Variants in PTPRG observed in about 807,000 individuals in gnomAD.
The protein encoded by PTPRG is receptor-type tyrosine-protein phosphatase gamma.
A neutral mutation model predicts 165.3 loss-of-function variants in PTPRG; 102 were observed. That is an observed-to-expected ratio of 0.62 (90% confidence interval 0.53 to 0.73). PTPRG has a LOEUF of 0.73. Ranked by LOEUF, PTPRG falls within the 30% of genes least tolerant of loss-of-function variation. The pLI is 0.00. For synonymous variants in PTPRG, 675 were observed against 669.5 expected, an observed-to-expected ratio of 1.01 and a Z score of -0.13; for missense variants, 1,866 against 1,861.4, an observed-to-expected ratio of 1.00 and a Z score of -0.05.
At chr3:62,059,922 T>C (rs981044874) in intron 4 of PTPRG, among the ~76,000 whole-genome samples, 1 of 152,130 alleles carries the variant, frequency 6.6e-6, no homozygotes, top group Non-Finnish European at 1.5e-5. Context: ...TCCACCATGA[T>C]TGTAAGTTTC....
chr3:61,847,349 G>T (rs2036835835), intron 2 of PTPRG, among the ~76,000 whole-genome samples: 1 of 152,102 alleles, frequency 6.6e-6, no homozygotes, highest in African/African-American at 2.4e-5. Flanking sequence ...ACTTCAAGAG[G>T]GGCATGGAGT....
At chr3:62,068,661 G>C (rs9826508) in intron 4 of PTPRG, among the ~76,000 whole-genome samples, 1 of 151,884 alleles carries the variant, frequency 6.6e-6, no homozygotes, top group East Asian at 1.9e-4. Context: ...TTTTGTTTTG[G>C]TTTGGTTTGG....
Position 62,120,101 on chromosome 3 carries a change from G to GT in PTPRG, c.616-12492dup, listed in dbSNP as rs112532438. 3.8e-3 allele frequency among the ~76,000 whole-genome samples: 582 copies of GT among 151,226 alleles called. 6 individuals carry two copies. The highest frequency in any genetic ancestry group is 0.013 in the African/African-American group (524 of 41,212). On this transcript the variant is annotated intron_variant, in intron 5 of 29. Transcript: ENST00000474889. ...TCTACTTTTGTTTTTAGTTTTTTGG[G>GT]TTTTTTTTTAAGCTGGTTAAAGATG...
intron 1 of PTPRG, among the ~76,000 whole-genome samples, chr3:61,593,708 G>GAA (rs751784249): frequency 2.6e-5 from 1 of 38,454 alleles, no homozygotes; most frequent in Non-Finnish European, 7.8e-5. Context: ...AGGAAAACTG[G>GAA]AAAAAAAAAA....
At chr3:61,675,935 A>G (rs1703202155) in intron 1 of PTPRG, among the ~76,000 whole-genome samples, 1 of 152,232 alleles carries the variant, frequency 6.6e-6, no homozygotes, top group Non-Finnish European at 1.5e-5. Context: ...TCATATTAAT[A>G]ATTGAACCAG....
intron 2 of PTPRG, among the ~76,000 whole-genome samples, chr3:61,838,513 G>T (rs574808745): frequency 4.6e-5 from 7 of 152,156 alleles, no homozygotes; most frequent in Admixed American, 2.6e-4. Flanking sequence ...GCCCCACATG[G>T]TGATTAAAAT....
chr3:61,936,452 T>A (rs1441698021), intron 2 of PTPRG, among the ~76,000 whole-genome samples: 2 of 152,190 alleles, frequency 1.3e-5, no homozygotes, highest in Non-Finnish European at 2.9e-5. Context: ...TTTGACCAGG[T>A]GGGACCATGG....
intron 5 of PTPRG, among the ~76,000 whole-genome samples, chr3:62,117,567 C>A (rs896748989): frequency 1.3e-5 from 2 of 152,064 alleles, no homozygotes; most frequent in Non-Finnish European, 2.9e-5. Context: ...TTAGAAGCCT[C>A]CCCGGTTGGT....
At chr3:61,848,927 A>T (rs1303109059) in intron 2 of PTPRG, among the ~76,000 whole-genome samples, 1 of 152,240 alleles carries the variant, frequency 6.6e-6, no homozygotes, top group African/African-American at 2.4e-5. Context: ...AGTTCAGGGA[A>T]GTCAGGCCAT....
At chr3:62,056,340 C>G (rs1249149526) in intron 4 of PTPRG, among the ~76,000 whole-genome samples, 2 of 152,146 alleles carry the variant, frequency 1.3e-5, no homozygotes, top group African/African-American at 4.8e-5. Context: ...AACCTGTGAC[C>G]CACGGACCAC....
chr3:61,995,651 T>C (rs886801185), intron 3 of PTPRG, among the ~76,000 whole-genome samples: 2 of 151,286 alleles, frequency 1.3e-5, no homozygotes, highest in Admixed American at 6.6e-5. Context: ...ATGTTTCTGA[T>C]AGTCTAGGCT....
At chr3:61,707,038 G>A (rs1478489409) in intron 1 of PTPRG, among the ~76,000 whole-genome samples, 1 of 151,914 alleles carries the variant, frequency 6.6e-6, no homozygotes, top group Admixed American at 6.6e-5. Context: ...ATATCTCTTA[G>A]AAGTCTATAC....
At chr3:62,063,792 C>T (rs1471058958) in intron 4 of PTPRG, among the ~76,000 whole-genome samples, 6 of 152,152 alleles carry the variant, frequency 3.9e-5, no homozygotes, top group Admixed American at 3.9e-4. Flanking sequence ...TGTGAGTCAC[C>T]TCACCTGGCC....
rs774661298 is a variant in PTPRG at position 62,271,518 on chromosome 3, C to T, written c.3145C>T (p.Arg1049Trp). ...LTFVRRSSAA[R>W]MPETGPVLVH... ...TTTCGTGAGGAGATCCTCAGCAGCT[C>T]GGATGCCAGAAACGGGCCCTGTGTT... Residue 1049 changes from arginine to tryptophan, a missense_variant, in exon 21 of 30, where the codon CGG becomes TGG. Arg to Trp is a moderately radical substitution (Grantham distance 101). Coordinates refer to ENST00000474889, the MANE Select transcript of PTPRG (RefSeq NM_002841.4). The surrounding 1 kb of genome is among the most constrained non-coding windows in gnomAD (Gnocchi z 4.1). 50 of 1,613,608 alleles carry T rather than the reference C, an allele frequency of 3.1e-5. 1 individual carries two copies. Among genetic ancestry groups the T allele is most frequent in the South Asian group, 8.8e-5 (8 of 91,044 alleles).
intron 1 of PTPRG, among the ~76,000 whole-genome samples, chr3:61,740,719 C>G (rs2032943384): frequency 6.6e-6 from 1 of 151,848 alleles, no homozygotes. Context: ...CCTTGAATTG[C>G]CTCTGAGTTT....
At chr3:61,567,851 G>C (rs1475044089) in intron 1 of PTPRG, among the ~76,000 whole-genome samples, 1 of 150,322 alleles carries the variant, frequency 6.7e-6, no homozygotes, top group African/African-American at 2.5e-5. Context: ...GTACTTGGTG[G>C]TATGCGCCTG....
intron 5 of PTPRG, among the ~76,000 whole-genome samples, chr3:62,132,231 T>G (rs1482758816): frequency 6.6e-6 from 1 of 152,222 alleles, no homozygotes; most frequent in Non-Finnish European, 1.5e-5. Context: ...CAGAAGATGT[T>G]GAAATTTTCC....
intron 12 of PTPRG, among the ~76,000 whole-genome samples, chr3:62,212,989 A>G (rs1461592584): frequency 6.6e-6 from 1 of 152,098 alleles, no homozygotes; most frequent in African/African-American, 2.4e-5. Context: ...GGAGGTGAGG[A>G]GGAGCTCTGT....
At chr3:61,758,818 A>G (rs140412764) in intron 2 of PTPRG, among the ~76,000 whole-genome samples, 1 of 152,216 alleles carries the variant, frequency 6.6e-6, no homozygotes, top group East Asian at 1.9e-4. Context: ...TAGCAGTAAG[A>G]AGAACGTAAG....
Sources: gnomAD v4.1 joint callset for allele counts (sites outside exome capture counted in the v4.1 genomes callset) on GRCh38, gnomAD v4.1.1 for gene constraint, Gnocchi (gnomAD v3.1) non-coding constraint, MANE v1.5 for transcripts, NCBI Gene and HGNC (gene_info 2026-07-23, HGNC 2026-07-21) for gene names.